PKP4: variants seen among roughly 807,000 people sequenced by gnomAD.
PKP4 encodes the protein plakophilin-4.
PKP4 carries 90 observed loss-of-function variants against 145.1 expected under a neutral mutation model. That is an observed-to-expected ratio of 0.62 (90% confidence interval 0.52 to 0.74). PKP4 has a LOEUF of 0.74. Ranked by LOEUF, PKP4 falls within the 30% of genes least tolerant of loss-of-function variation. The pLI is 0.00. For missense variants in PKP4, 1,340 were observed against 1,482.7 expected (o/e 0.90, Z 1.58); for synonymous variants, 563 against 577.2 (o/e 0.98, Z 0.35).
intron 20 of PKP4, chr2:158,677,101 CA>C (rs1449950139): frequency 1.9e-6 from 1 of 515,448 alleles, no homozygotes; most frequent in Non-Finnish European, 3.6e-6. Flanking sequence ...ACGGTGGGCA[CA>C]AATAAAAAGA....
At chr2:158,528,496 G>T (rs1238388158) in intron 1 of PKP4, among the ~76,000 whole-genome samples, 1 of 99,136 alleles carries the variant, frequency 1.0e-5, no homozygotes, top group Non-Finnish European at 2.0e-5. Flanking sequence ...GTGGGGTGGG[G>T]GGAGGGGGAG....
chr2:158,533,611 G>T (rs1466042654), intron 2 of PKP4: 2 of 449,280 alleles, frequency 4.5e-6, no homozygotes, highest in Non-Finnish European at 8.8e-6. Flanking sequence ...GCAAAGCTGT[G>T]TAAAGCATAG....
intron 2 of PKP4, among the ~76,000 whole-genome samples, chr2:158,577,060 A>T: frequency 6.6e-6 from 1 of 152,158 alleles, no homozygotes; most frequent in Non-Finnish European, 1.5e-5. Flanking sequence ...TTTATGCCAA[A>T]TAAAGGCTGA....
intron 3 of PKP4, among the ~76,000 whole-genome samples, chr2:158,591,337 TG>T (rs1206742301): frequency 3.9e-5 from 6 of 152,220 alleles, no homozygotes; most frequent in Admixed American, 2.0e-4. Flanking sequence ...ATTGTGGTTA[TG>T]TTATTTTTTA....
chr2:158,578,186 G>T, intron 3 of PKP4: 1 of 242,296 alleles, frequency 4.1e-6, no homozygotes, highest in Non-Finnish European at 9.0e-6. Flanking sequence ...TGTTACTCAT[G>T]GGCAAAAAAA....
At chr2:158,467,921 A>AT (rs1690908210) in intron 1 of PKP4, among the ~76,000 whole-genome samples, 1 of 152,134 alleles carries the variant, frequency 6.6e-6, no homozygotes, top group African/African-American at 2.4e-5. Flanking sequence ...ATTTTTTCCC[A>AT]TTTTGCATAA....
chr2:158,609,176 T>C (rs2050915718), intron 4 of PKP4, among the ~76,000 whole-genome samples: 1 of 152,200 alleles, frequency 6.6e-6, no homozygotes, highest in South Asian at 2.1e-4. Context: ...TATTAATAAT[T>C]GGGATAAAAC....
At chr2:158,580,157 GAATTTTAAAATGTTAAAT>G (rs1261172041) in intron 3 of PKP4, among the ~76,000 whole-genome samples, 2 of 152,158 alleles carry the variant, frequency 1.3e-5, no homozygotes, top group Non-Finnish European at 2.9e-5. Context: ...CTGGACTTGT[GAATTTTAAAATGTTAAAT>G]AATTTTAAGG....
At chr2:158,626,984 T>C (rs1487931718) in intron 7 of PKP4, among the ~76,000 whole-genome samples, 1 of 152,204 alleles carries the variant, frequency 6.6e-6, no homozygotes, top group Non-Finnish European at 1.5e-5. Context: ...GTAAAATTAG[T>C]ATCTTTTTTA....
rs941904487 is a variant in PKP4, at chr2:158,497,640, A to G, written c.-5-35540A>G. 9.2e-5 allele frequency among the ~76,000 whole-genome samples: 14 copies of G among 152,210 alleles called. No individual in the cohort carries two copies. In the South Asian group the frequency reaches 1.2e-3, roughly 13 times the overall value. ...GTCACTAGCTGATTAACCTTAGGCA[A>G]GTTATTTCACTTCTCTGGCTCTGTG... is the stretch of plus-strand genomic sequence containing the variant. On this transcript the variant is annotated intron_variant, in intron 1 of 21. Coordinates refer to ENST00000389759, the MANE Select transcript of PKP4 (RefSeq NM_003628.6).
chr2:158,517,425 C>T (rs1356865126), intron 1 of PKP4, among the ~76,000 whole-genome samples: 1 of 152,042 alleles, frequency 6.6e-6, no homozygotes, highest in Non-Finnish European at 1.5e-5. Context: ...CTGTGTTTCA[C>T]CTCTTATTTC....
intron 1 of PKP4, among the ~76,000 whole-genome samples, chr2:158,514,940 CA>C (rs934746205): frequency 1.4e-4 from 20 of 143,774 alleles, no homozygotes; most frequent in East Asian, 6.0e-4. Flanking sequence ...GACGCTGTCT[CA>C]AAAAAAAAAA....
intron 3 of PKP4, among the ~76,000 whole-genome samples, chr2:158,599,292 T>C (rs1187426829): frequency 2.0e-5 from 3 of 152,050 alleles, no homozygotes; most frequent in African/African-American, 7.2e-5. Context: ...ACAGTGTCAG[T>C]GGTAGTAGAG....
At chr2:158,543,904 G>GCTCAGA (rs1559300979) in intron 2 of PKP4, among the ~76,000 whole-genome samples, 11 of 152,076 alleles carry the variant, frequency 7.2e-5, no homozygotes, top group Non-Finnish European at 1.5e-4. Flanking sequence ...ACTTACTATG[G>GCTCAGA]GTATCACTGT....
chr2:158,487,642 G>A (rs1694358286), intron 1 of PKP4, among the ~76,000 whole-genome samples: 1 of 152,136 alleles, frequency 6.6e-6, no homozygotes, highest in South Asian at 2.1e-4. Flanking sequence ...GAACTTGAAG[G>A]TAAAAATAGT....
At chr2:158,472,011 A>T (rs1417949869) in intron 1 of PKP4, among the ~76,000 whole-genome samples, 1 of 152,220 alleles carries the variant, frequency 6.6e-6, no homozygotes, top group Admixed American at 6.5e-5. Context: ...TTAGCACAGA[A>T]CTGAAAGTGA....
intron 3 of PKP4, among the ~76,000 whole-genome samples, chr2:158,578,529 A>T (rs1574586827): frequency 6.6e-6 from 1 of 152,220 alleles, no homozygotes; most frequent in East Asian, 1.9e-4. Context: ...TGAAAACAAA[A>T]ATTAGCTTTA....
chr2:158,674,011 A>T lies in PKP4; in HGVS notation c.3127+11A>T. The T allele has an allele frequency of 2.2e-6, 3 of 1,370,190 alleles. No individual in the cohort carries two copies. The highest frequency in any genetic ancestry group is 3.1e-6 in the Non-Finnish European group (3 of 956,768). The allele number at this position is 1,370,190 out of a possible 1,614,324, so 84.9% of individuals were successfully genotyped here. ...CCATCATTCAGTCAGGTCAGTGGGA[A>T]AATGCCACTCCTTGGCGAGAACCTT... On this transcript the variant is annotated intron_variant, in intron 19 of 21. Transcript: ENST00000389759.
chr2:158,518,541 C>T (rs1050931271), intron 1 of PKP4, among the ~76,000 whole-genome samples: 2 of 151,834 alleles, frequency 1.3e-5, no homozygotes, highest in African/African-American at 2.4e-5. Context: ...TTTATCAGCT[C>T]CTCACTCCTC....
Sources: gnomAD v4.1 joint callset for allele counts (sites outside exome capture counted in the v4.1 genomes callset) on GRCh38, gnomAD v4.1.1 for gene constraint, MANE v1.5 for transcripts, NCBI Gene and HGNC (gene_info 2026-07-23, HGNC 2026-07-21) for gene names.